The following DLG2 variants were observed in gnomAD, a reference collection of about 807,000 sequenced individuals.
The protein encoded by DLG2 is discs large MAGUK scaffold protein 2, also known as disks large homolog 2.
A neutral mutation model predicts 132.5 loss-of-function variants in DLG2; 45 were observed. The ratio of observed to expected loss-of-function variants is 0.34; its 90% CI spans 0.27 to 0.44. The LOEUF (loss-of-function observed/expected upper bound fraction) is 0.44. Ranked by LOEUF, DLG2 falls within the 20% of genes least tolerant of loss-of-function variation. DLG2 has a pLI of 1.00. For synonymous variants in DLG2, 424 were observed against 419.6 expected (o/e 1.01, Z -0.13); for missense variants, 1,045 against 1,196.9 (o/e 0.87, Z 1.87).
At chr11:83,863,679 T>C (rs756347352) in intron 16 of DLG2, among the ~76,000 whole-genome samples, 10 of 152,080 alleles carry the variant, frequency 6.6e-5, no homozygotes, top group Non-Finnish European at 1.2e-4. Context: ...AAAAATCCTA[T>C]GTAGCAGATA....
intron 6 of DLG2, among the ~76,000 whole-genome samples, chr11:84,904,025 G>A (rs1472359327): frequency 3.3e-5 from 5 of 152,072 alleles, no homozygotes; most frequent in Admixed American, 6.6e-5. Context: ...TATTGAGAAC[G>A]TAAGAAGTGA....
chr11:85,519,580 C>T (rs889548585), intron 3 of DLG2, among the ~76,000 whole-genome samples: 3 of 152,162 alleles, frequency 2.0e-5, no homozygotes, highest in Non-Finnish European at 4.4e-5. Flanking sequence ...CTTGCCTTTT[C>T]TCAGATGAGA....
At chr11:84,912,653 C>T (rs147519540) in intron 6 of DLG2, among the ~76,000 whole-genome samples, 372 of 152,332 alleles carry the variant, frequency 2.4e-3, no homozygotes, top group African/African-American at 8.4e-3. Flanking sequence ...ATGGAGATGA[C>T]GGATTTTCAA....
At chr11:83,810,763 CATTT>C (rs1225106294) in intron 17 of DLG2, among the ~76,000 whole-genome samples, 6 of 152,122 alleles carry the variant, frequency 3.9e-5, no homozygotes, top group African/African-American at 1.4e-4. Context: ...ATTCTAGAAA[CATTT>C]ATTTGTGATT....
intron 11 of DLG2, among the ~76,000 whole-genome samples, chr11:84,039,826 A>C (rs1393939700): frequency 1.4e-5 from 2 of 144,662 alleles, no homozygotes; most frequent in Admixed American, 7.2e-5. Flanking sequence ...ACTAGTTTAC[A>C]GTCCCACCAA....
At position 84,474,903 on chromosome 11, in the gene DLG2, G is replaced by C. The variant is rs550085727; in HGVS notation, c.519+59667C>G. Among the ~76,000 whole-genome samples the C allele has an allele frequency of 2.6e-5, 4 of 152,162 alleles. No individual in the cohort carries two copies. The East Asian group carries it at 7.8e-4, about 30-fold the overall frequency. ...CAAACACTTGCCCTTATTGAAAAAT[G>C]CTTTTGTCTAACTCTTACCTCCTTT... On this transcript the variant is annotated intron_variant, in intron 7 of 27. Coordinates refer to ENST00000376104, the MANE Select transcript of DLG2 (RefSeq NM_001142699.3).
At chr11:85,150,241 C>T (rs1056671497) in intron 5 of DLG2, among the ~76,000 whole-genome samples, 10 of 152,006 alleles carry the variant, frequency 6.6e-5, no homozygotes, top group South Asian at 2.1e-4. Context: ...AGGAAGGTCT[C>T]GATCTCCTGA....
At chr11:83,491,086 C>T (rs1474339641) in intron 21 of DLG2, among the ~76,000 whole-genome samples, 3 of 149,958 alleles carry the variant, frequency 2.0e-5, no homozygotes, top group Non-Finnish European at 4.4e-5. Context: ...CTTAAAAATA[C>T]TTAATAAAAG....
At chr11:85,325,205 G>A (rs1360957368) in intron 3 of DLG2, among the ~76,000 whole-genome samples, 4 of 150,778 alleles carry the variant, frequency 2.7e-5, no homozygotes, top group Admixed American at 6.6e-5. Flanking sequence ...AGGGGCGCCC[G>A]CCATTGCCCA....
At chr11:84,832,912 G>A (rs12273977) in intron 6 of DLG2, among the ~76,000 whole-genome samples, 19,608 of 151,294 alleles carry the variant, frequency 0.13, 1,353 homozygotes, top group Middle Eastern at 0.18. Flanking sequence ...AGCTTTTACT[G>A]TCTATATCCC....
chr11:84,659,631 A>C (rs1940080), intron 6 of DLG2, among the ~76,000 whole-genome samples: 1 of 151,874 alleles, frequency 6.6e-6, no homozygotes, highest in Non-Finnish European at 1.5e-5. Flanking sequence ...CTCTTTTTCC[A>C]AATTTCTCAC....
At chr11:84,365,572 C>T (rs2098677326) in intron 7 of DLG2, among the ~76,000 whole-genome samples, 1 of 151,800 alleles carries the variant, frequency 6.6e-6, no homozygotes, top group Admixed American at 6.6e-5. Flanking sequence ...TGTGTTTGCT[C>T]TTGCTTTTCT....
chr11:84,172,303 C>T (rs949934757), intron 8 of DLG2, among the ~76,000 whole-genome samples: 1 of 152,058 alleles, frequency 6.6e-6, no homozygotes, highest in Non-Finnish European at 1.5e-5. Flanking sequence ...TAAACGCTCA[C>T]AAGCTATAAA....
intron 19 of DLG2, among the ~76,000 whole-genome samples, chr11:83,609,480 A>G (rs1566038568): frequency 6.6e-6 from 1 of 152,232 alleles, no homozygotes; most frequent in Non-Finnish European, 1.5e-5. Flanking sequence ...TTTCCCATTA[A>G]GCTGGCTTGA....
chr11:83,546,912 AAAC>A lies in DLG2; in HGVS notation c.1941-5057_1941-5055del, dbSNP rs1193595217. ...GAGGAAATACAGATTTGGATAATTT[AAAC>A]AACATGTTCAATGTCATGCCATCTA... On this transcript the variant is annotated intron_variant, in intron 19 of 27. Transcript: ENST00000376104. Among the ~76,000 whole-genome samples, 3 of 152,270 alleles carry A rather than the reference AAAC, an allele frequency of 2.0e-5. No individual in the cohort carries two copies. The East Asian group carries it at 5.8e-4, about 29-fold the overall frequency.
intron 7 of DLG2, among the ~76,000 whole-genome samples, chr11:84,422,797 C>T (rs188813345): frequency 1.4e-3 from 209 of 152,204 alleles, no homozygotes; most frequent in African/African-American, 4.9e-3. Context: ...TTTCCAGTGA[C>T]CACATGGCAT....
chr11:85,551,103 T>C lies in DLG2; in HGVS notation c.40+47554A>G, dbSNP rs550833410. Among the ~76,000 whole-genome samples the C allele has an allele frequency of 1.1e-4, 16 of 152,350 alleles. No homozygotes were observed. In the South Asian group the frequency reaches 2.9e-3, roughly 28 times the overall value. On this transcript the variant is annotated intron_variant, in intron 3 of 27. Transcript: ENST00000376104. ...AGGAGGAAGTGAGGTAAACCAGATA[T>C]ATGTGTTTTGAAAACACTTTCCCAG...
rs532804127 is a variant in DLG2, at chr11:85,067,897, C to A, written c.357+43764G>T. Reference sequence around the variant, plus strand: ...CCCTGATGAACATCGATGCAAAAATCTCCAATAAAATACTGGCAAACCGAA... The same window carrying A: ...CCCTGATGAACATCGATGCAAAAATATCCAATAAAATACTGGCAAACCGAA... On this transcript the variant is annotated intron_variant, in intron 6 of 27. Coordinates refer to ENST00000376104, the MANE Select transcript of DLG2 (RefSeq NM_001142699.3). Among the ~76,000 whole-genome samples the A allele has an allele frequency of 9.9e-5, 15 of 152,140 alleles. No homozygotes were observed. In the East Asian group the frequency reaches 2.5e-3, roughly 26 times the overall value.
intron 3 of DLG2, among the ~76,000 whole-genome samples, chr11:85,403,817 T>C (rs2088445010): frequency 6.6e-6 from 1 of 151,888 alleles, no homozygotes; most frequent in Non-Finnish European, 1.5e-5. Flanking sequence ...AGACCAAAAG[T>C]GGTAAGCTGT....
Sources: allele counts gnomAD v4.1 joint callset (sites outside exome capture counted in the v4.1 genomes callset), GRCh38; gene constraint gnomAD v4.1.1; transcripts MANE v1.5; gene names NCBI Gene and HGNC (gene_info 2026-07-23, HGNC 2026-07-21).